Variants in TYW1B observed in about 807,000 individuals in gnomAD.
TYW1B encodes the protein tRNA-yW synthesizing protein 1 homolog B.
TYW1B carries 73 observed loss-of-function variants against 86.9 expected under a neutral mutation model. That is an observed-to-expected ratio of 0.84 (90% CI 0.70 to 1.02). TYW1B has a LOEUF of 1.02. Ranked by LOEUF, TYW1B falls within the 50% of genes least tolerant of loss-of-function variation. TYW1B has a pLI of 0.00. For synonymous variants in TYW1B, 248 were observed against 292.8 expected, an observed-to-expected ratio of 0.85 and a Z score of 1.56; for missense variants, 637 against 827.4, an observed-to-expected ratio of 0.77 and a Z score of 2.82.
chr7:72,756,807 C>G (rs1787597869), intron 7 of TYW1B, among the ~76,000 whole-genome samples: 1 of 152,054 alleles, frequency 6.6e-6, no homozygotes, highest in South Asian at 2.1e-4. Context: ...GACACATAAT[C>G]CAATGTAAAA....
chr7:72,661,500 A>C (rs1446815962), intron 11 of TYW1B, among the ~76,000 whole-genome samples: 15 of 148,824 alleles, frequency 1.0e-4, no homozygotes, highest in Non-Finnish European at 1.8e-4. Context: ...GGAGAATCTG[A>C]AATTTTAGTT....
intron 13 of TYW1B, among the ~76,000 whole-genome samples, chr7:72,590,325 C>T (rs1462256368): frequency 6.6e-6 from 1 of 152,118 alleles, no homozygotes; most frequent in African/African-American, 2.4e-5. Flanking sequence ...CCAGGATAGG[C>T]AATAAGAACA....
chr7:72,784,554 G>C (rs1404911341), intron 6 of TYW1B, among the ~76,000 whole-genome samples: 1 of 152,172 alleles, frequency 6.6e-6, no homozygotes, highest in Admixed American at 6.5e-5. Flanking sequence ...CTGGAGTACA[G>C]AGGCGCAATC....
intron 13 of TYW1B, among the ~76,000 whole-genome samples, chr7:72,608,804 G>A (rs1208409295): frequency 6.6e-6 from 1 of 152,182 alleles, no homozygotes; most frequent in Non-Finnish European, 1.5e-5. Flanking sequence ...AGAGATAGAG[G>A]AGATTAGCGG....
At chr7:72,677,113 T>TTC (rs574097489) in intron 11 of TYW1B, among the ~76,000 whole-genome samples, 1 of 152,124 alleles carries the variant, frequency 6.6e-6, no homozygotes, top group Non-Finnish European at 1.5e-5. Flanking sequence ...AACTTCTTCT[T>TTC]TCTCTCTCTC....
At chr7:72,818,875 C>G (rs1177016799) in intron 2 of TYW1B, among the ~76,000 whole-genome samples, 3 of 152,106 alleles carry the variant, frequency 2.0e-5, no homozygotes, top group Non-Finnish European at 4.4e-5. Context: ...TGGTGCTAAA[C>G]CACTCATGCG....
intron 11 of TYW1B, among the ~76,000 whole-genome samples, chr7:72,641,268 C>T (rs2129569024): frequency 6.6e-6 from 1 of 152,080 alleles, no homozygotes; most frequent in Admixed American, 6.5e-5. Flanking sequence ...TCAAAAAACT[C>T]CCAACAAATA....
chr7:72,663,211 C>G (rs1457977478), intron 11 of TYW1B, among the ~76,000 whole-genome samples: 1 of 151,912 alleles, frequency 6.6e-6, no homozygotes, highest in Non-Finnish European at 1.5e-5. Flanking sequence ...GTTGGCGGCA[C>G]GATGACTTCT....
At chr7:72,757,704 C>A (rs1216362080) in intron 7 of TYW1B, among the ~76,000 whole-genome samples, 1 of 152,082 alleles carries the variant, frequency 6.6e-6, no homozygotes, top group Non-Finnish European at 1.5e-5. Context: ...TGGGGAAGGG[C>A]ATGAAGAGAG....
At chr7:72,632,365 ACG>A (rs1812531127) in intron 11 of TYW1B, among the ~76,000 whole-genome samples, 2 of 107,552 alleles carry the variant, frequency 1.9e-5, no homozygotes, top group South Asian at 2.5e-4. Flanking sequence ...TTATATATAT[ACG>A]CATATATATT....
chr7:72,645,911 C>T (rs111883879), intron 11 of TYW1B, among the ~76,000 whole-genome samples: 1 of 149,474 alleles, frequency 6.7e-6, no homozygotes. Flanking sequence ...GTATGGTATA[C>T]TCCAATTAAA....
At chr7:72,822,162 C>CAAAAAAAAAAAAAAAAAAA (rs782637112) in intron 2 of TYW1B, among the ~76,000 whole-genome samples, 5 of 36,334 alleles carry the variant, frequency 1.4e-4, no homozygotes, top group South Asian at 1.0e-3. Flanking sequence ...GACCCTGTCT[C>CAAAAAAAAAAAAAAAAAAA]AAAAAAAAAA....
intron 2 of TYW1B, among the ~76,000 whole-genome samples, chr7:72,823,645 T>C (rs1788873709): frequency 6.6e-6 from 1 of 151,362 alleles, no homozygotes; most frequent in Non-Finnish European, 1.5e-5. Flanking sequence ...AAAAAATAAA[T>C]GAAATAAAAT....
intron 11 of TYW1B, among the ~76,000 whole-genome samples, chr7:72,674,487 G>A (rs1813688725): frequency 6.6e-6 from 1 of 151,770 alleles, no homozygotes; most frequent in Non-Finnish European, 1.5e-5. Flanking sequence ...CCAACTCAAA[G>A]ATTTTTTTTT....
At chr7:72,678,351 G>C (rs1214759190) in intron 11 of TYW1B, among the ~76,000 whole-genome samples, 1 of 152,104 alleles carries the variant, frequency 6.6e-6, no homozygotes, top group Non-Finnish European at 1.5e-5. Flanking sequence ...TATTTGAGTG[G>C]AGTCCTGAAG....
rs186710365 is a variant in TYW1B, at chr7:72,715,717, G to A, written c.1193-1919C>T. ...ACAAGTTTACCTATGTAACAAACCT[G>A]CACTTGTACCCCTGAACTTAAGAGT... On this transcript the variant is annotated intron_variant, in intron 9 of 13. Transcript: ENST00000620995. 3.1e-4 allele frequency among the ~76,000 whole-genome samples: 47 copies of A among 151,398 alleles called. No homozygotes were observed. In the East Asian group the frequency reaches 8.5e-3, roughly 28 times the overall value.
At chr7:72,760,072 A>G (rs1173760410) in intron 7 of TYW1B, among the ~76,000 whole-genome samples, 1 of 152,154 alleles carries the variant, frequency 6.6e-6, no homozygotes, top group African/African-American at 2.4e-5. Context: ...AAACAAAAAA[A>G]CCCTGCTAAA....
chr7:72,818,759 CAT>C (rs1405243773), intron 2 of TYW1B, among the ~76,000 whole-genome samples: 1 of 151,910 alleles, frequency 6.6e-6, no homozygotes, highest in Non-Finnish European at 1.5e-5. Flanking sequence ...GGAGCAGGCA[CAT>C]GACATGGCAG....
chr7:72,631,028 C>T (rs1812473798), intron 11 of TYW1B, among the ~76,000 whole-genome samples: 1 of 152,094 alleles, frequency 6.6e-6, no homozygotes, highest in South Asian at 2.1e-4. Context: ...AGAAAAACCA[C>T]ATGATCATCT....
Sources: allele counts gnomAD v4.1 joint callset (sites outside exome capture counted in the v4.1 genomes callset), GRCh38; gene constraint gnomAD v4.1.1; transcripts MANE v1.5; gene names NCBI Gene and HGNC (gene_info 2026-07-23, HGNC 2026-07-21).